Variants in SNX25 observed in about 807,000 individuals in gnomAD.
SNX25 encodes the protein sorting nexin 25.
A neutral mutation model predicts 113.7 loss-of-function variants in SNX25; 62 were observed. The observed-to-expected ratio is 0.55, with a 90% CI of 0.44 to 0.67. SNX25 has a LOEUF of 0.67. Among genes scored for constraint, SNX25 ranks in the 30% least tolerant of loss-of-function variants. The probability of loss-of-function intolerance (pLI) is 0.00; values close to 1 mark genes in which losing one functional copy is unlikely to be tolerated. For synonymous variants in SNX25, 421 were observed against 436.2 expected, an observed-to-expected ratio of 0.97 and a Z score of 0.43; for missense variants, 1,014 against 1,161.0, an observed-to-expected ratio of 0.87 and a Z score of 1.84.
intron 7 of SNX25, among the ~76,000 whole-genome samples, chr4:185,314,533 C>T (rs1315933344): frequency 1.3e-5 from 2 of 151,994 alleles, no homozygotes; most frequent in Non-Finnish European, 1.5e-5. Flanking sequence ...GAGACAAATT[C>T]CCTGGAAGAC....
chr4:185,269,579 A>G (rs531025414), intron 5 of SNX25, among the ~76,000 whole-genome samples: 108 of 152,350 alleles, frequency 7.1e-4, no homozygotes, highest in African/African-American at 2.6e-3. Context: ...TCTAGAGTCA[A>G]TAGTGGCAGA....
intron 11 of SNX25, among the ~76,000 whole-genome samples, chr4:185,340,150 A>G (rs551934246): frequency 6.6e-6 from 1 of 152,328 alleles, no homozygotes; most frequent in East Asian, 1.9e-4. Flanking sequence ...TGTCATTTGC[A>G]TAACCACATT....
Position 185,351,488 on chromosome 4 carries a change from A to C in SNX25, c.2345A>C (p.Tyr782Ser), listed in dbSNP as rs1254383675. 1 of 1,614,192 alleles carries C rather than the reference A, an allele frequency of 6.2e-7. No homozygotes were observed. The highest frequency in any genetic ancestry group is 1.7e-5 in the Admixed American group (1 of 60,014). ...DERLCQSEAL[Y>S]AFLSPSPDYL... ...AGACTGTGTCAGAGTGAAGCACTTTATGCCTTCTTGAGCCCTTCTCCTGAC... is the reference window on the plus strand; with the variant it reads ...AGACTGTGTCAGAGTGAAGCACTTTCTGCCTTCTTGAGCCCTTCTCCTGAC... Residue 782 changes from tyrosine (Y) to serine (S), a missense_variant, in exon 14 of 19, where the codon TAT (tyrosine) becomes TCT (serine). Transcript: ENST00000652585.
intron 1 of SNX25, among the ~76,000 whole-genome samples, chr4:185,213,936 T>TC (rs1487425277): frequency 2.6e-5 from 4 of 151,222 alleles, no homozygotes; most frequent in Non-Finnish European, 5.9e-5. Context: ...GTTTACTAGA[T>TC]CCTTTTTTTT....
chr4:185,271,754 A>G (rs538981681), intron 5 of SNX25, among the ~76,000 whole-genome samples: 32 of 152,340 alleles, frequency 2.1e-4, no homozygotes, highest in Non-Finnish European at 4.1e-4. Flanking sequence ...TATTTTTTAC[A>G]TATTTGAGAG....
chr4:185,312,746 C>T (rs561038690), intron 7 of SNX25, among the ~76,000 whole-genome samples: 15 of 152,198 alleles, frequency 9.9e-5, no homozygotes, highest in African/African-American at 2.4e-4. Context: ...AGGATGGTCT[C>T]GATATCCTGA....
intron 7 of SNX25, among the ~76,000 whole-genome samples, chr4:185,311,234 T>C (rs1467818597): frequency 6.6e-6 from 1 of 152,238 alleles, no homozygotes; most frequent in Non-Finnish European, 1.5e-5. Context: ...CTACTTGATA[T>C]CTTCATTGAT....
At chr4:185,333,478 C>A (rs1427267637) in intron 10 of SNX25, among the ~76,000 whole-genome samples, 1 of 152,162 alleles carries the variant, frequency 6.6e-6, no homozygotes, top group African/African-American at 2.4e-5. Context: ...CTTTAGTATT[C>A]TTTTTGTGGA....
chr4:185,316,934 TATTG>T (rs2095079090), intron 7 of SNX25, among the ~76,000 whole-genome samples: 1 of 152,208 alleles, frequency 6.6e-6, no homozygotes, highest in Non-Finnish European at 1.5e-5. Flanking sequence ...AACTAAATAT[TATTG>T]GTCTGAAATA....
intron 15 of SNX25, among the ~76,000 whole-genome samples, chr4:185,355,185 G>A (rs1331688797): frequency 2.0e-5 from 3 of 152,224 alleles, no homozygotes; most frequent in Admixed American, 1.3e-4. Flanking sequence ...TAGGGGATCA[G>A]TAAAATGCCT....
downstream of SNX25, among the ~76,000 whole-genome samples, chr4:185,371,474 A>G (rs556359092): frequency 0.017 from 2,572 of 149,944 alleles, 65 homozygotes; most frequent in African/African-American, 0.06. Context: ...CCCGGAAGGC[A>G]GAGCTTGCAG....
intron 1 of SNX25, among the ~76,000 whole-genome samples, chr4:185,239,777 T>C (rs1743365496): frequency 6.7e-6 from 1 of 149,056 alleles, no homozygotes; most frequent in Non-Finnish European, 1.5e-5. Context: ...TTTTTTTCTT[T>C]TTTTTTTTTT....
chr4:185,378,600 C>T, the SNX25 span: 6 of 995,840 alleles, frequency 6.0e-6, no homozygotes, highest in Non-Finnish European at 7.2e-6. Context: ...AACTGACACT[C>T]ATCGGACGAA....
Position 185,310,732 on chromosome 4 carries a change from G to C in SNX25, c.1260G>C (p.Lys420Asn), listed in dbSNP as rs781264500. 1.0e-4 allele frequency: 169 copies of C among 1,614,078 alleles called. No homozygotes were observed. The highest frequency in any genetic ancestry group is 6.6e-4 in the Middle Eastern group (4 of 6,062). Reference protein sequence around the residue: ...QLTVAKKQCEKRIRILGGPAY... With the variant: ...QLTVAKKQCENRIRILGGPAY... ...CTGTGGCAAAGAAGCAGTGTGAGAA[G>C]AGAATCCGAATCCTGGGAGGCCCTG... The change falls in exon 7 of 19, where the codon AAG becomes AAC. Residue 420 changes from lysine to asparagine, a missense_variant. Coordinates refer to ENST00000652585, the MANE Select transcript of SNX25 (RefSeq NM_001378034.2).
chr4:185,223,526 G>A (rs1740333644), intron 1 of SNX25, among the ~76,000 whole-genome samples: 1 of 152,296 alleles, frequency 6.6e-6, no homozygotes, highest in Non-Finnish European at 1.5e-5. Context: ...CGGTGGCCGG[G>A]GGCGGCGGCT....
intron 5 of SNX25, among the ~76,000 whole-genome samples, chr4:185,287,595 G>A (rs1234186258): frequency 6.6e-6 from 1 of 152,204 alleles, no homozygotes; most frequent in African/African-American, 2.4e-5. Flanking sequence ...GTGTGATTGA[G>A]GAACTAAACG....
Position 185,299,579 on chromosome 4 carries a change from A to G in SNX25, c.1163-11056A>G, listed in dbSNP as rs985513238. On this transcript the variant is annotated intron_variant, in intron 6 of 18. Coordinates refer to ENST00000652585, the MANE Select transcript of SNX25 (RefSeq NM_001378034.2). ...ATCACACTGAGAACCACTGCTGCAG[A>G]TGATACAGAGCCACTGATATATTCA... Among the ~76,000 whole-genome samples, 3 of 152,180 alleles carry G rather than the reference A, an allele frequency of 2.0e-5. No homozygotes were observed. In the East Asian group the frequency reaches 5.8e-4, roughly 29 times the overall value.
chr4:185,316,771 C>A (rs2095077861), intron 7 of SNX25, among the ~76,000 whole-genome samples: 1 of 152,156 alleles, frequency 6.6e-6, no homozygotes, highest in Admixed American at 6.5e-5. Flanking sequence ...TCTGTTGATA[C>A]TGGAGTTGTT....
rs796963097 is a variant in SNX25, at chr4:185,350,866, AAAAAG to A, written c.2302-565_2302-561del. 5.2e-3 allele frequency among the ~76,000 whole-genome samples: 796 copies of A among 152,320 alleles called. 8 individuals carry two copies. Among genetic ancestry groups the A allele is most frequent in the African/African-American group, 0.018 (727 of 41,542 alleles). ...GACCGAGTGAGACTCCGTCTCAAAA[AAAAAG>A]AAAAGAAAAGAAATTGTTACATAAT... On this transcript the variant is annotated intron_variant, in intron 13 of 18. Transcript: ENST00000652585.
Sources: allele counts gnomAD v4.1 joint callset (sites outside exome capture counted in the v4.1 genomes callset), GRCh38; gene constraint gnomAD v4.1.1; transcripts MANE v1.5; gene names NCBI Gene and HGNC (gene_info 2026-07-23, HGNC 2026-07-21).